TCF7L2: variants seen among roughly 807,000 people sequenced by gnomAD.
TCF7L2 encodes transcription factor 7 like 2.
Under a neutral mutation model 77.9 loss-of-function variants are expected in TCF7L2, and 23 were observed. The observed-to-expected ratio is 0.30, with a 90% CI of 0.21 to 0.42. TCF7L2 has a LOEUF of 0.42. Among genes scored for constraint, TCF7L2 ranks in the 10% least tolerant of loss-of-function variants. The probability of loss-of-function intolerance (pLI) is 1.00; values close to 1 mark genes in which losing one functional copy is unlikely to be tolerated. For synonymous variants in TCF7L2, 413 were observed against 340.2 expected (o/e 1.21, Z -2.36); for missense variants, 654 against 793.1 (o/e 0.82, Z 2.11).
At chr10:113,140,207 C>G (rs290492) in intron 5 of TCF7L2, among the ~76,000 whole-genome samples, 134,066 of 152,096 alleles carry the variant, frequency 0.88, 59,371 homozygotes, top group East Asian at 0.98. Context: ...TTGTGATCTT[C>G]CTGGGCTAAG....
rs1003928208 is a variant in TCF7L2, at chr10:113,165,941, C to T, written c.1778C>T (p.Pro593Leu). Residue 593 changes from proline to leucine, a missense_variant, in exon 14 of 14, where the codon CCG (proline) becomes CTG (leucine). Pro to Leu is a moderately conservative substitution (Grantham distance 98, BLOSUM62 -3). Coordinates refer to ENST00000627217, the MANE Select transcript of TCF7L2 (RefSeq NM_001146274.2). ...TCCCTGGCCGGGACCCAGCCCCAGC[C>T]GCTGTCGCTCGTCACCAAGTCTTTA... The T allele has an allele frequency of 1.2e-5, 19 of 1,541,740 alleles. No homozygotes were observed. Among genetic ancestry groups the T allele is most frequent in the East Asian group, 6.8e-5 (3 of 43,974 alleles).
At chr10:113,014,772 C>T (rs529593860) in intron 4 of TCF7L2, among the ~76,000 whole-genome samples, 11 of 152,026 alleles carry the variant, frequency 7.2e-5, no homozygotes, top group Admixed American at 6.6e-5. Flanking sequence ...GGCGACAGAG[C>T]GAGACTTCAT....
At chr10:113,163,025 G>A (rs11196249) in intron 13 of TCF7L2, among the ~76,000 whole-genome samples, 2 of 149,472 alleles carry the variant, frequency 1.3e-5, no homozygotes, top group Admixed American at 6.7e-5. Context: ...AAAAAAAAAA[G>A]GAAAAAAAGA....
chr10:113,054,539 G>A (rs531396052), intron 5 of TCF7L2, among the ~76,000 whole-genome samples: 18 of 152,268 alleles, frequency 1.2e-4, no homozygotes, highest in African/African-American at 4.1e-4. Context: ...CAGGACAGGA[G>A]AGATTGATTG....
Position 113,005,662 on chromosome 10 carries a change from C to T in TCF7L2, c.451-34363C>T, listed in dbSNP as rs539335057. On this transcript the variant is annotated intron_variant, in intron 4 of 13. Transcript: ENST00000627217. The stretch of plus-strand genomic sequence containing the variant: ...GATTGTGTGGCCCCTCCTTGTACTT[C>T]GGGGTGAGGCTTGCTCCAGAAAGGT... Among the ~76,000 whole-genome samples, 112 of 152,194 alleles carry T rather than the reference C, an allele frequency of 7.4e-4. 1 individual carries two copies. The highest frequency in any genetic ancestry group is 2.1e-4 in the Non-Finnish European group (14 of 68,012).
At chr10:112,954,370 G>A (rs1173619524) in intron 3 of TCF7L2, among the ~76,000 whole-genome samples, 1 of 152,106 alleles carries the variant, frequency 6.6e-6, no homozygotes, top group East Asian at 1.9e-4. Context: ...ATTTAAGAAT[G>A]TAAAGAATTA....
intron 3 of TCF7L2, among the ~76,000 whole-genome samples, chr10:112,952,191 C>T (rs181046882): frequency 1.6e-4 from 24 of 152,326 alleles, no homozygotes; most frequent in Non-Finnish European, 2.1e-4. Context: ...GCCCGGGGCC[C>T]TGGAGAGGCT....
In TCF7L2 at chr10:112,951,232, C is replaced by G; in HGVS notation, c.215C>G (p.Ser72Cys). 6.3e-7 allele frequency: 1 copy of G among 1,579,566 alleles called. No homozygotes were observed. The highest frequency in any genetic ancestry group is 8.6e-7 in the Non-Finnish European group (1 of 1,165,752). The stretch of plus-strand genomic sequence containing the variant: ...GCGGAAAGACGGCCTCCGCCTCGCT[C>G]CGAAAGTTTCCGAGACAAATCCCGG... Residue 72 changes from serine (S) to cysteine (C), a missense_variant, in exon 2 of 14, where the codon TCC becomes TGC. Transcript: ENST00000627217.
Position 113,072,634 on chromosome 10 carries a change from C to T in TCF7L2, c.552+32508C>T, listed in dbSNP as rs962534111. Reference sequence around the variant, plus strand: ...CCTCCCAAAGTGCTGGGATTACAGGCGTGAGCCACTACACCCAGCCAATCA... The same window carrying T: ...CCTCCCAAAGTGCTGGGATTACAGGTGTGAGCCACTACACCCAGCCAATCA... On this transcript the variant is annotated intron_variant, in intron 5 of 13. Coordinates refer to ENST00000627217, the MANE Select transcript of TCF7L2 (RefSeq NM_001146274.2). Among the ~76,000 whole-genome samples, 5 of 152,164 alleles carry T rather than the reference C, an allele frequency of 3.3e-5. No individual in the cohort carries two copies. The East Asian group carries it at 5.8e-4, about 18-fold the overall frequency.
intron 4 of TCF7L2, among the ~76,000 whole-genome samples, chr10:113,030,344 A>G (rs1219032357): frequency 6.6e-6 from 1 of 152,162 alleles, no homozygotes; most frequent in Non-Finnish European, 1.5e-5. Context: ...TTATCCCAGA[A>G]CATACCATAT....
chr10:113,045,878 GGCTGTGGT>G (rs1267306723), intron 5 of TCF7L2, among the ~76,000 whole-genome samples: 4 of 152,164 alleles, frequency 2.6e-5, no homozygotes, highest in African/African-American at 9.7e-5. Context: ...TCGCAGTCAG[GGCTGTGGT>G]CAGGGTGTCT....
chr10:113,043,331 C>T (rs951730846), intron 5 of TCF7L2, among the ~76,000 whole-genome samples: 54 of 152,252 alleles, frequency 3.5e-4, no homozygotes, highest in African/African-American at 1.3e-3. Flanking sequence ...ACATTAGAAA[C>T]GATTGATGTG....
At chr10:113,109,799 A>G (rs1343025175) in intron 5 of TCF7L2, among the ~76,000 whole-genome samples, 1 of 152,246 alleles carries the variant, frequency 6.6e-6, no homozygotes, top group Non-Finnish European at 1.5e-5. Context: ...TTTTATAATC[A>G]ACAGGCTTAG....
intron 8 of TCF7L2, 31 bp from the exon 9 acceptor site, chr10:113,150,967 C>G (rs2137124516): frequency 6.2e-7 from 1 of 1,607,232 alleles, no homozygotes; most frequent in Middle Eastern, 1.7e-4. Context: ...CATTTTGATT[C>G]TGACGATTTA....
chr10:113,003,573 C>T (rs928902252), intron 4 of TCF7L2, among the ~76,000 whole-genome samples: 5 of 152,166 alleles, frequency 3.3e-5, no homozygotes, highest in East Asian at 1.9e-4. Context: ...ACTTACCAAA[C>T]GATTTATGGG....
intron 3 of TCF7L2, 26 bp from the exon 4 acceptor site, chr10:112,964,530 C>A (rs749844277): frequency 1.9e-6 from 3 of 1,606,734 alleles, no homozygotes; most frequent in Non-Finnish European, 2.6e-6. Context: ...ATAAGCAGAA[C>A]GCTTTGATTT....
At chr10:112,952,602 G>A (rs950082280) in intron 3 of TCF7L2, among the ~76,000 whole-genome samples, 3 of 152,186 alleles carry the variant, frequency 2.0e-5, no homozygotes, top group African/African-American at 7.2e-5. Flanking sequence ...TAGGCCCGTC[G>A]TGGGCCCCAG....
intron 11 of TCF7L2, among the ~76,000 whole-genome samples, chr10:113,157,188 G>A (rs955798595): frequency 7.2e-5 from 11 of 152,154 alleles, no homozygotes; most frequent in Non-Finnish European, 1.3e-4. Context: ...GCATGATCTC[G>A]GCTCACTGCA....
intron 8 of TCF7L2, among the ~76,000 whole-genome samples, chr10:113,147,096 T>C (rs943475021): frequency 1.3e-5 from 2 of 152,250 alleles, no homozygotes; most frequent in African/African-American, 4.8e-5. Context: ...TAATTGTTTC[T>C]AATGATAGTT....
Sources: gnomAD v4.1 joint callset for allele counts (sites outside exome capture counted in the v4.1 genomes callset) on GRCh38, gnomAD v4.1.1 for gene constraint, MANE v1.5 for transcripts, NCBI Gene and HGNC (gene_info 2026-07-23, HGNC 2026-07-21) for gene names.